Variants in MYO5B observed in about 807,000 individuals in gnomAD.
The protein encoded by MYO5B is unconventional myosin-Vb.
A neutral mutation model predicts 229.3 loss-of-function variants in MYO5B; 143 were observed. The observed-to-expected ratio is 0.62, with a 90% CI of 0.54 to 0.72. The LOEUF (loss-of-function observed/expected upper bound fraction) is 0.72. Ranked by LOEUF, MYO5B falls within the 30% of genes least tolerant of loss-of-function variation. The pLI, the probability that MYO5B is intolerant of heterozygous loss-of-function variation, is 0.00. For synonymous variants in MYO5B, 918 were observed against 885.2 expected, an observed-to-expected ratio of 1.04 and a Z score of -0.66; for missense variants, 2,321 against 2,331.0, an observed-to-expected ratio of 1.00 and a Z score of 0.09.
intron 6 of MYO5B, among the ~76,000 whole-genome samples, chr18:49,991,222 T>C (rs58574581): frequency 0.013 from 1,957 of 152,238 alleles, 40 homozygotes; most frequent in African/African-American, 0.045. Context: ...GCATATAAAA[T>C]GCAGGCAAAA....
At chr18:49,851,680 C>G (rs1206811854) in intron 31 of MYO5B, among the ~76,000 whole-genome samples, 3 of 616 alleles carry the variant, frequency 4.9e-3, no homozygotes, top group African/African-American at 7.4e-3. Context: ...CCCCTCTACA[C>G]AGACCCCTTT....
chr18:50,088,038 A>C (rs2031369377), intron 1 of MYO5B, among the ~76,000 whole-genome samples: 1 of 152,172 alleles, frequency 6.6e-6, no homozygotes, highest in South Asian at 2.1e-4. Context: ...AAAGCTTTGA[A>C]GGATGTAGAA....
intron 13 of MYO5B, among the ~76,000 whole-genome samples, chr18:49,953,766 C>G (rs1347859091): frequency 6.6e-6 from 1 of 152,126 alleles, no homozygotes; most frequent in Non-Finnish European, 1.5e-5. Context: ...AAGCAGCCCC[C>G]TGAAGAGCAG....
At chr18:49,830,829 C>CAAAA (rs59785909) in intron 39 of MYO5B, among the ~76,000 whole-genome samples, 2 of 72,928 alleles carry the variant, frequency 2.7e-5, no homozygotes, top group Admixed American at 1.4e-4. Context: ...GACTCTGTCT[C>CAAAA]AAAAAAAAAA....
chr18:49,851,967 C>G (rs1004145123), intron 31 of MYO5B, among the ~76,000 whole-genome samples: 1 of 152,082 alleles, frequency 6.6e-6, no homozygotes, highest in Non-Finnish European at 1.5e-5. Flanking sequence ...AGGAGTCTCT[C>G]AGCAGGCTGC....
At chr18:50,050,407 AGACTATAGCTTCTT>A (rs1290962591) in intron 2 of MYO5B, among the ~76,000 whole-genome samples, 18 of 152,214 alleles carry the variant, frequency 1.2e-4, no homozygotes, top group African/African-American at 4.1e-4. Context: ...TGGTTTTGTG[AGACTATAGCTTCTT>A]GACATGAGGA....
intron 1 of MYO5B, among the ~76,000 whole-genome samples, chr18:50,189,908 G>A (rs1358034949): frequency 1.3e-5 from 2 of 152,214 alleles, no homozygotes; most frequent in South Asian, 2.1e-4. Flanking sequence ...CCCAAATCGC[G>A]CCCTTAGTAA....
chr18:49,950,743 T>C (rs963739407), intron 14 of MYO5B, among the ~76,000 whole-genome samples: 1 of 152,164 alleles, frequency 6.6e-6, no homozygotes, highest in Non-Finnish European at 1.5e-5. Context: ...ATTTCTACAA[T>C]ACTTTAATTT....
intron 18 of MYO5B, 121 bp downstream of exon 18, chr18:49,911,941 C>A (rs2024962543): frequency 7.4e-6 from 6 of 815,752 alleles, no homozygotes; most frequent in Non-Finnish European, 2.1e-6. Context: ...GGATTAATAT[C>A]CCAGAAATAG....
Position 49,971,965 on chromosome 18 carries a change from C to T in MYO5B, c.1322+2385G>A, listed in dbSNP as rs180981810. On this transcript the variant is annotated intron_variant, in intron 10 of 39. Coordinates refer to ENST00000285039, the MANE Select transcript of MYO5B (RefSeq NM_001080467.3). ...TAAGAAAAAAACAACATAGCATGCC[C>T]GGAAGAAAGCACAAAGGGTAGGAAA... Among the ~76,000 whole-genome samples the T allele has an allele frequency of 5.4e-4, 82 of 152,252 alleles. No homozygotes were observed. In the South Asian group the frequency reaches 0.014, roughly 27 times the overall value.
chr18:50,125,467 A>G (rs1599039509), intron 1 of MYO5B, among the ~76,000 whole-genome samples: 1 of 152,098 alleles, frequency 6.6e-6, no homozygotes, highest in Admixed American at 6.5e-5. Flanking sequence ...ACATTTATAC[A>G]TATGTAACAA....
intron 14 of MYO5B, among the ~76,000 whole-genome samples, chr18:49,943,783 C>T (rs1787537): frequency 0.59 from 89,155 of 152,020 alleles, 26,617 homozygotes; most frequent in Middle Eastern, 0.73. Flanking sequence ...AAATAACCCA[C>T]AATTAAAAAC....
chr18:50,154,717 G>C (rs1599062857), intron 1 of MYO5B, among the ~76,000 whole-genome samples: 1 of 152,318 alleles, frequency 6.6e-6, no homozygotes, highest in South Asian at 2.1e-4. Flanking sequence ...TGACACTGAG[G>C]TGGGAGGGAC....
At chr18:49,996,860 T>C (rs901760896) in intron 5 of MYO5B, among the ~76,000 whole-genome samples, 5 of 152,124 alleles carry the variant, frequency 3.3e-5, no homozygotes, top group African/African-American at 1.2e-4. Flanking sequence ...AATAAACAAG[T>C]TTGAAGTGGC....
At chr18:49,974,717 T>G in intron 9 of MYO5B, 102 bp from the exon 10 acceptor site, 2 of 1,400,834 alleles carry the variant, frequency 1.4e-6, no homozygotes, top group Non-Finnish European at 9.8e-7. Flanking sequence ...CAAGCCAAAC[T>G]CAAGGCCTCC....
At chr18:50,154,211 AAGG>A (rs2032644976) in intron 1 of MYO5B, among the ~76,000 whole-genome samples, 1 of 152,182 alleles carries the variant, frequency 6.6e-6, no homozygotes. Flanking sequence ...AAGGTAAGGC[AAGG>A]AGGGACTTTC....
rs529604547 is a variant in MYO5B at position 49,928,039 on chromosome 18, AC to A, written c.2090+1472del. ...GAATCTACAAGGAACTCAAAGTAGCACAGAAAAAAAACCATCCCGTCAAAAA... is the reference window on the plus strand; with the variant it reads ...GAATCTACAAGGAACTCAAAGTAGCAAGAAAAAAAACCATCCCGTCAAAAA... On this transcript the variant is annotated intron_variant, in intron 17 of 39. Coordinates refer to ENST00000285039, the MANE Select transcript of MYO5B (RefSeq NM_001080467.3). Among the ~76,000 whole-genome samples, 499 of 152,172 alleles carry A rather than the reference AC, an allele frequency of 3.3e-3. 5 individuals carry two copies. Among genetic ancestry groups the A allele is most frequent in the African/African-American group, 0.01 (429 of 41,528 alleles).
chr18:49,849,971 C>T (rs566399535), intron 31 of MYO5B: 2 of 414,622 alleles, frequency 4.8e-6, no homozygotes, highest in Non-Finnish European at 9.1e-6. Context: ...CATGCCAACC[C>T]CCCAGGAGAC....
chr18:49,863,412 CT>C, intron 28 of MYO5B, 85 bp from the exon 29 acceptor site: 2 of 1,189,000 alleles, frequency 1.7e-6, no homozygotes. Flanking sequence ...AAAAACATGC[CT>C]TTGGGAAAAG....
Sources: allele counts gnomAD v4.1 joint callset (sites outside exome capture counted in the v4.1 genomes callset), GRCh38; gene constraint gnomAD v4.1.1; transcripts MANE v1.5; gene names NCBI Gene and HGNC (gene_info 2026-07-23, HGNC 2026-07-21).